The following RYR3 variants were observed in gnomAD, a reference collection of about 807,000 sequenced individuals.
RYR3 encodes brain ryanodine receptor-calcium release channel.
A neutral mutation model predicts 584.3 loss-of-function variants in RYR3; 207 were observed. The ratio of observed to expected loss-of-function variants is 0.35; its 90% confidence interval spans 0.32 to 0.40. RYR3 has a LOEUF of 0.40. Ranked by LOEUF, RYR3 falls within the 10% of genes least tolerant of loss-of-function variation. The pLI, the probability that RYR3 is intolerant of heterozygous loss-of-function variation, is 1.00. For synonymous variants in RYR3, 2,416 were observed against 2,248.5 expected (o/e 1.07, Z -2.11); for missense variants, 5,616 against 6,089.2 (o/e 0.92, Z 2.59).
At chr15:33,442,901 A>G (rs28431065) in intron 1 of RYR3, among the ~76,000 whole-genome samples, 3,186 of 152,324 alleles carry the variant, frequency 0.021, 57 homozygotes, top group Non-Finnish European at 0.027. Context: ...CAGTTGTTCT[A>G]ATTGTCCTGA....
At chr15:33,789,659 T>TA (rs1555458338) in intron 67 of RYR3, among the ~76,000 whole-genome samples, 45 of 10,074 alleles carry the variant, frequency 4.5e-3, no homozygotes, top group Admixed American at 0.013. Flanking sequence ...TATATATATA[T>TA]TTTTTTTTTT....
intron 37 of RYR3, among the ~76,000 whole-genome samples, chr15:33,669,839 TGTGTG>T (rs2063710287): frequency 1.7e-4 from 2 of 11,440 alleles, no homozygotes; most frequent in African/African-American, 5.9e-4. Flanking sequence ...GGGGTGTGTG[TGTGTG>T]GGGGGGGGGG....
intron 1 of RYR3, among the ~76,000 whole-genome samples, chr15:33,445,618 C>T (rs1271991100): frequency 6.7e-6 from 1 of 149,554 alleles, no homozygotes; most frequent in African/African-American, 2.5e-5. Context: ...CCTTTCCCTC[C>T]TCATCCCATT....
At chr15:33,629,864 A>C in intron 21 of RYR3, 76 bp from the exon 22 acceptor site, 1 of 746,650 alleles carries the variant, frequency 1.3e-6, no homozygotes, top group Non-Finnish European at 2.2e-6. Context: ...GTTTCAAAGT[A>C]TGTTCTGTTC....
At chr15:33,359,917 G>A (rs1029620867) in intron 1 of RYR3, among the ~76,000 whole-genome samples, 2 of 151,504 alleles carry the variant, frequency 1.3e-5, no homozygotes, top group Admixed American at 6.6e-5. Context: ...CACCGGGCCC[G>A]GCCTCCTGAC....
chr15:33,688,328 C>T (rs1190646215), intron 38 of RYR3, among the ~76,000 whole-genome samples: 1 of 152,040 alleles, frequency 6.6e-6, no homozygotes, highest in Non-Finnish European at 1.5e-5. Context: ...AATCCCAGCA[C>T]TTTGGGAGGC....
chr15:33,646,272 C>T, intron 28 of RYR3, 79 bp from the exon 29 acceptor site: 2 of 1,274,574 alleles, frequency 1.6e-6, no homozygotes, highest in Non-Finnish European at 2.2e-6. Flanking sequence ...TTGCCATGTG[C>T]ATGTCCACGA....
intron 1 of RYR3, among the ~76,000 whole-genome samples, chr15:33,315,098 G>T (rs1967968324): frequency 6.6e-6 from 1 of 152,228 alleles, no homozygotes; most frequent in Admixed American, 6.5e-5. Flanking sequence ...CGAGGGATGA[G>T]AAAAGGCACT....
Position 33,562,821 on chromosome 15 carries a change from T to C in RYR3, c.973-16T>C. The C allele has an allele frequency of 6.3e-7, 1 of 1,599,480 alleles. No homozygotes were observed. The highest frequency in any genetic ancestry group is 8.6e-7 in the Non-Finnish European group (1 of 1,167,756). ...TCAGCTATGCCTATGTTTGTTTCTT[T>C]TTGTGTATGAATTAGGAACTCAAGG... On this transcript the variant is annotated splice_polypyrimidine_tract_variant and intron_variant, in intron 10 of 103. Transcript: ENST00000634891.
chr15:33,696,029 A>C (rs1208074234), intron 38 of RYR3, among the ~76,000 whole-genome samples, 189 bp from the exon 39 acceptor site: 1 of 148,380 alleles, frequency 6.7e-6, no homozygotes, highest in African/African-American at 2.5e-5. Flanking sequence ...TGCTAGGCTC[A>C]AGAAATCCTT....
intron 1 of RYR3, among the ~76,000 whole-genome samples, chr15:33,377,746 A>T (rs2040857235): frequency 6.6e-6 from 1 of 152,192 alleles, no homozygotes; most frequent in Non-Finnish European, 1.5e-5. Context: ...TAGTTGTTTC[A>T]GGGTGTTGCT....
intron 38 of RYR3, among the ~76,000 whole-genome samples, chr15:33,691,176 G>A (rs1234427551): frequency 6.6e-6 from 1 of 152,114 alleles, no homozygotes; most frequent in Non-Finnish European, 1.5e-5. Flanking sequence ...CTAGATGTCT[G>A]TACTTTGTTA....
intron 1 of RYR3, among the ~76,000 whole-genome samples, chr15:33,389,889 T>C (rs1424515139): frequency 6.6e-6 from 1 of 152,214 alleles, no homozygotes; most frequent in Admixed American, 6.5e-5. Context: ...TTTATGAAAA[T>C]GTAACATGAC....
chr15:33,430,168 G>A (rs1264355093), intron 1 of RYR3, among the ~76,000 whole-genome samples: 1 of 152,258 alleles, frequency 6.6e-6, no homozygotes. Context: ...GTGCAGCAAA[G>A]CCAAACACTT....
At chr15:33,514,826 C>A (rs1206317210) in intron 3 of RYR3, among the ~76,000 whole-genome samples, 1 of 151,700 alleles carries the variant, frequency 6.6e-6, no homozygotes, top group Non-Finnish European at 1.5e-5. Context: ...ACGGTGAAAC[C>A]CCATCTCTAC....
intron 2 of RYR3, among the ~76,000 whole-genome samples, chr15:33,479,651 A>G (rs2049780540): frequency 6.6e-6 from 1 of 152,186 alleles, no homozygotes; most frequent in African/African-American, 2.4e-5. Context: ...AAGTGACTTC[A>G]TGAAGATTGT....
At chr15:33,670,604 T>C (rs1042888982) in intron 38 of RYR3, 48 bp downstream of exon 38, 1 of 1,508,122 alleles carries the variant, frequency 6.6e-7, no homozygotes, top group Non-Finnish European at 8.8e-7. Flanking sequence ...TAAGACTTAA[T>C]TAATGTAACT....
chr15:33,521,731 A>G (rs2054000965), intron 3 of RYR3, among the ~76,000 whole-genome samples: 1 of 152,176 alleles, frequency 6.6e-6, no homozygotes, highest in South Asian at 2.1e-4. Context: ...ACAAGAGCAC[A>G]GCAGCAGACA....
intron 3 of RYR3, among the ~76,000 whole-genome samples, chr15:33,515,037 T>G (rs966570464): frequency 3.3e-5 from 5 of 152,152 alleles, no homozygotes; most frequent in African/African-American, 1.2e-4. Context: ...TTAAACAATT[T>G]TATAGTTGAT....
Sources: allele counts gnomAD v4.1 joint callset (sites outside exome capture counted in the v4.1 genomes callset), GRCh38; gene constraint gnomAD v4.1.1; transcripts MANE v1.5; gene names NCBI Gene and HGNC (gene_info 2026-07-23, HGNC 2026-07-21).